SORCS3: variants seen among roughly 807,000 people sequenced by gnomAD.
SORCS3 encodes the protein VPS10 domain-containing receptor SorCS3.
A neutral mutation model predicts 146.3 loss-of-function variants in SORCS3; 57 were observed. The ratio of observed to expected loss-of-function variants is 0.39; its 90% CI spans 0.31 to 0.49. The LOEUF is 0.49. SORCS3 is among the 20% of genes least tolerant of loss of function. The pLI, the probability that SORCS3 is intolerant of heterozygous loss-of-function variation, is 0.92. For missense variants in SORCS3, 1,341 were observed against 1,575.5 expected (o/e 0.85, Z 2.52); for synonymous variants, 653 against 618.5 (o/e 1.06, Z -0.83).
chr10:104,761,978 G>A (rs1458332647), intron 1 of SORCS3, among the ~76,000 whole-genome samples: 1 of 152,170 alleles, frequency 6.6e-6, no homozygotes, highest in Non-Finnish European at 1.5e-5. Flanking sequence ...GACACATTAT[G>A]TGAAATTCTA....
intron 1 of SORCS3, among the ~76,000 whole-genome samples, chr10:104,695,674 T>C (rs1450583150): frequency 1.3e-5 from 2 of 151,910 alleles, no homozygotes; most frequent in African/African-American, 4.8e-5. Context: ...TATGTACATA[T>C]TATCTTTTTG....
At chr10:104,858,285 A>G (rs1388717856) in intron 2 of SORCS3, among the ~76,000 whole-genome samples, 3 of 152,190 alleles carry the variant, frequency 2.0e-5, no homozygotes, top group Admixed American at 2.0e-4. Context: ...TTTTACCCAT[A>G]TATCTTTACA....
chr10:105,154,271 C>T (rs2056189904), intron 9 of SORCS3, among the ~76,000 whole-genome samples: 1 of 152,114 alleles, frequency 6.6e-6, no homozygotes, highest in Admixed American at 6.5e-5. Flanking sequence ...CTGAACCAAC[C>T]TTCCTCAGCC....
chr10:105,156,033 C>G (rs2056205733), intron 9 of SORCS3, among the ~76,000 whole-genome samples: 1 of 152,212 alleles, frequency 6.6e-6, no homozygotes, highest in Admixed American at 6.5e-5. Flanking sequence ...CTGTGAAACT[C>G]TTACCATTTT....
chr10:105,221,087 T>G (rs2056699630), intron 19 of SORCS3, among the ~76,000 whole-genome samples: 1 of 152,206 alleles, frequency 6.6e-6, no homozygotes, highest in Non-Finnish European at 1.5e-5. Context: ...ATTTTATTTT[T>G]AATTTTTGTG....
intron 17 of SORCS3, among the ~76,000 whole-genome samples, chr10:105,212,764 G>T (rs999034484): frequency 6.6e-6 from 1 of 152,114 alleles, no homozygotes; most frequent in African/African-American, 2.4e-5. Flanking sequence ...AAAAAGAAGA[G>T]TAGATGATAT....
chr10:104,927,840 T>C (rs780516889), intron 3 of SORCS3, among the ~76,000 whole-genome samples: 67 of 150,344 alleles, frequency 4.5e-4, no homozygotes, highest in Non-Finnish European at 8.3e-4. Context: ...ATCGTACCAT[T>C]GCACTCCAGC....
intron 5 of SORCS3, among the ~76,000 whole-genome samples, chr10:105,061,288 G>A (rs1467219330): frequency 8.2e-6 from 1 of 121,538 alleles, no homozygotes; most frequent in African/African-American, 3.1e-5. Context: ...TGTTTTAAGT[G>A]GTGTTCCTTT....
At chr10:104,719,742 G>T (rs893015331) in intron 1 of SORCS3, among the ~76,000 whole-genome samples, 3 of 152,166 alleles carry the variant, frequency 2.0e-5, no homozygotes, top group African/African-American at 7.2e-5. Context: ...AAATCAGCTG[G>T]TTTGTCTCTC....
intron 7 of SORCS3, among the ~76,000 whole-genome samples, chr10:105,127,435 A>C (rs1460328532): frequency 6.6e-6 from 1 of 152,106 alleles, no homozygotes; most frequent in East Asian, 1.9e-4. Context: ...CTTGGCTTTA[A>C]GTCTTACCTT....
In SORCS3 at chr10:105,157,229, G is replaced by T; in HGVS notation, c.1574G>T (p.Arg525Leu). The T allele has an allele frequency of 6.2e-7, 1 of 1,614,068 alleles. No individual in the cohort carries two copies. Among genetic ancestry groups the T allele is most frequent in the African/African-American group, 1.3e-5 (1 of 75,046 alleles). ...YITYNKGRDW[R>L]LLQAPDVDLR... ...ACTTACAACAAAGGCAGGGATTGGC[G>T]CCTGCTGCAAGCTCCGGATGTGGAC... The change falls in exon 10 of 27, where the codon CGC becomes CTC. Residue 525 changes from arginine to leucine, a missense_variant. Coordinates refer to ENST00000369701, the MANE Select transcript of SORCS3 (RefSeq NM_014978.3).
At chr10:104,864,748 T>A (rs886319487) in intron 2 of SORCS3, among the ~76,000 whole-genome samples, 2 of 152,016 alleles carry the variant, frequency 1.3e-5, no homozygotes, top group African/African-American at 4.8e-5. Flanking sequence ...AGTAGTGGGG[T>A]GATAATGTGA....
chr10:105,024,474 G>A (rs1398072157), intron 4 of SORCS3, among the ~76,000 whole-genome samples: 1 of 152,172 alleles, frequency 6.6e-6, no homozygotes, highest in Admixed American at 6.6e-5. Context: ...TTTAGAAAAG[G>A]ACTCCAGCAT....
chr10:104,939,647 C>G (rs1040416022), intron 3 of SORCS3, among the ~76,000 whole-genome samples: 5 of 152,172 alleles, frequency 3.3e-5, no homozygotes, highest in African/African-American at 1.2e-4. Context: ...TCCCTGAGAC[C>G]GTGAAGTAAC....
intron 7 of SORCS3, among the ~76,000 whole-genome samples, chr10:105,138,650 G>T (rs2056074670): frequency 1.3e-5 from 2 of 152,200 alleles, no homozygotes; most frequent in Admixed American, 1.3e-4. Context: ...CTTTTCAGCA[G>T]GCCCTGGCCA....
intron 4 of SORCS3, among the ~76,000 whole-genome samples, chr10:105,020,851 C>G (rs983844597): frequency 1.6e-4 from 24 of 152,294 alleles, no homozygotes; most frequent in African/African-American, 5.5e-4. Flanking sequence ...TCACATGTCA[C>G]TCAGCCAGAA....
At chr10:104,945,969 C>T (rs903345984) in intron 3 of SORCS3, among the ~76,000 whole-genome samples, 1 of 151,964 alleles carries the variant, frequency 6.6e-6, no homozygotes, top group Admixed American at 6.6e-5. Context: ...TTCAGGAAGA[C>T]CTGAGTTCTA....
rs1464972832 is a variant in SORCS3, at chr10:104,656,781, G to A, written c.627+14827G>A. ...ATTAAAAAATCACTCTGATCACCCT[G>A]TGGGTTAGAGGGAAAAAAGGATGAA... On this transcript the variant is annotated intron_variant, in intron 1 of 26. Coordinates refer to ENST00000369701, the MANE Select transcript of SORCS3 (RefSeq NM_014978.3). Among the ~76,000 whole-genome samples, 3 of 152,222 alleles carry A rather than the reference G, an allele frequency of 2.0e-5. No homozygotes were observed. In the East Asian group the frequency reaches 5.8e-4, roughly 29 times the overall value.
chr10:104,969,874 A>G (rs144878602), intron 3 of SORCS3, among the ~76,000 whole-genome samples: 2 of 152,348 alleles, frequency 1.3e-5, no homozygotes, highest in Non-Finnish European at 2.9e-5. Flanking sequence ...GTGCACAGAA[A>G]GAAACAGAGC....
Sources: gnomAD v4.1 joint callset for allele counts (sites outside exome capture counted in the v4.1 genomes callset) on GRCh38, gnomAD v4.1.1 for gene constraint, MANE v1.5 for transcripts, NCBI Gene and HGNC (gene_info 2026-07-23, HGNC 2026-07-21) for gene names.